Variants in FAM107B observed in about 807,000 individuals in gnomAD.
FAM107B encodes the protein family with sequence similarity 107 member B, also known as protein FAM107B.
Under a neutral mutation model 31.5 loss-of-function variants are expected in FAM107B, and 21 were observed. The observed-to-expected ratio is 0.67, with a 90% CI of 0.47 to 0.96. The LOEUF is 0.96. Among genes scored for constraint, FAM107B ranks in the 40% least tolerant of loss-of-function variants. The pLI is 0.00. For synonymous variants in FAM107B, 157 were observed against 141.5 expected, an observed-to-expected ratio of 1.11 and a Z score of -0.78; for missense variants, 452 against 377.1, an observed-to-expected ratio of 1.20 and a Z score of -1.64.
intron 2 of FAM107B, among the ~76,000 whole-genome samples, chr10:14,572,624 T>C (rs1263336530): frequency 6.6e-6 from 1 of 150,418 alleles, no homozygotes. Flanking sequence ...CTCCAGAGGA[T>C]CGCTTGTACC....
intron 1 of FAM107B, among the ~76,000 whole-genome samples, chr10:14,710,228 A>G (rs955087809): frequency 3.3e-5 from 5 of 152,058 alleles, no homozygotes; most frequent in Non-Finnish European, 5.9e-5. Context: ...AAAACTACTA[A>G]AAAATAATAA....
chr10:14,582,272 C>G (rs1166524407), intron 2 of FAM107B, among the ~76,000 whole-genome samples: 4 of 152,090 alleles, frequency 2.6e-5, no homozygotes, highest in African/African-American at 9.7e-5. Context: ...ACTGTGACCA[C>G]ACCTCTGGGA....
At chr10:14,604,843 C>T (rs1852547258) in intron 2 of FAM107B, among the ~76,000 whole-genome samples, 1 of 150,698 alleles carries the variant, frequency 6.6e-6, no homozygotes, top group Non-Finnish European at 1.5e-5. Context: ...GTCTCTCTTT[C>T]TCTCATTCTC....
At chr10:14,667,968 A>C (rs1450130526) in intron 1 of FAM107B, among the ~76,000 whole-genome samples, 2 of 152,096 alleles carry the variant, frequency 1.3e-5, no homozygotes, top group East Asian at 3.9e-4. Flanking sequence ...GGTGCAACCC[A>C]GGGGCCCCCT....
chr10:14,600,784 C>T (rs1170796428), intron 2 of FAM107B, among the ~76,000 whole-genome samples: 1 of 152,136 alleles, frequency 6.6e-6, no homozygotes, highest in African/African-American at 2.4e-5. Context: ...GGACTACAGG[C>T]ATGCACCACC....
chr10:14,631,235 G>C (rs1293950869), intron 2 of FAM107B, among the ~76,000 whole-genome samples: 1 of 152,096 alleles, frequency 6.6e-6, no homozygotes, highest in Non-Finnish European at 1.5e-5. Flanking sequence ...CCCTTCAACA[G>C]AACTACATCA....
chr10:14,765,792 C>CA (rs1833149124), intron 1 of FAM107B, among the ~76,000 whole-genome samples: 1 of 152,150 alleles, frequency 6.6e-6, no homozygotes, highest in South Asian at 2.1e-4. Flanking sequence ...AAAATTCTCT[C>CA]ATCTTCTGTT....
Position 14,588,716 on chromosome 10 carries a change from C to T in FAM107B, c.470-58201G>A, listed in dbSNP as rs1192459005. Among the ~76,000 whole-genome samples, 3 of 152,276 alleles carry T rather than the reference C, an allele frequency of 2.0e-5. No homozygotes were observed. The South Asian group carries it at 6.2e-4, about 32-fold the overall frequency. On this transcript the variant is annotated intron_variant, in intron 2 of 4. Transcript: ENST00000181796. Reference sequence around the variant, plus strand: ...CCTCCACTCCTCCCCACCCATCACCCCACACACGCTGTCTCCCAAAAACAC... The same window carrying T: ...CCTCCACTCCTCCCCACCCATCACCTCACACACGCTGTCTCCCAAAAACAC...
rs7921855 is a variant in FAM107B, at chr10:14,526,812, A to C, written c.653+3520T>G. 9.3e-4 allele frequency among the ~76,000 whole-genome samples: 141 copies of C among 152,138 alleles called. 1 individual carries two copies. The highest frequency in any genetic ancestry group is 1.6e-3 in the Non-Finnish European group (106 of 67,990). ...GTAATCTTTGTAGAGCACAGAATCT[A>C]TCTCTCTAAATAATATCAGAAATAT... On this transcript the variant is annotated intron_variant, in intron 3 of 4. Transcript: ENST00000181796.
In FAM107B at chr10:14,681,024, G is replaced by C. The variant is rs1037717955; in HGVS notation, c.412-13333C>G. 1.3e-4 allele frequency among the ~76,000 whole-genome samples: 20 copies of C among 152,318 alleles called. 1 individual carries two copies. The East Asian group carries it at 3.7e-3, about 28-fold the overall frequency. On this transcript the variant is annotated intron_variant, in intron 1 of 4. Coordinates refer to ENST00000181796, the MANE Select transcript of FAM107B (RefSeq NM_031453.4). The stretch of plus-strand genomic sequence containing the variant: ...CATCCAGGATCAGGGAGACTCTGGG[G>C]TCCTGACTGGAGGTTTGCCACCTTC...
intron 2 of FAM107B, among the ~76,000 whole-genome samples, chr10:14,619,776 T>G (rs1852956237): frequency 2.6e-5 from 4 of 151,850 alleles, no homozygotes; most frequent in South Asian, 4.2e-4. Context: ...TTATGTTTTC[T>G]TTTAGAAGTT....
At chr10:14,620,008 T>C (rs1852963622) in intron 2 of FAM107B, among the ~76,000 whole-genome samples, 2 of 135,358 alleles carry the variant, frequency 1.5e-5, no homozygotes, top group African/African-American at 5.4e-5. Context: ...GTCTGGACTT[T>C]CTTTCTTTCT....
chr10:14,772,907 G>A (rs1833340030), intron 1 of FAM107B, among the ~76,000 whole-genome samples: 6 of 152,114 alleles, frequency 3.9e-5, no homozygotes, highest in Admixed American at 3.9e-4. Flanking sequence ...GTAATATAAG[G>A]TGGGTCTGCA....
chr10:14,692,537 T>A lies in FAM107B; in HGVS notation c.412-24846A>T, dbSNP rs543166190. Among the ~76,000 whole-genome samples, 15 of 152,308 alleles carry A rather than the reference T, an allele frequency of 9.8e-5. No homozygotes were observed. In the South Asian group the frequency reaches 3.1e-3, roughly 32 times the overall value. ...CCTCATAAATTCTGGAGAATTCATA[T>A]TTAAGACCCATTGATGCCCTCATAA... On this transcript the variant is annotated intron_variant, in intron 1 of 4. Transcript: ENST00000181796.
At chr10:14,589,339 T>A (rs1188675147) in intron 2 of FAM107B, among the ~76,000 whole-genome samples, 7 of 152,212 alleles carry the variant, frequency 4.6e-5, no homozygotes, top group Non-Finnish European at 7.3e-5. Context: ...GAACCATCTA[T>A]AATCTGAAAG....
At chr10:14,698,318 G>A (rs1006556089) in intron 1 of FAM107B, among the ~76,000 whole-genome samples, 1 of 152,228 alleles carries the variant, frequency 6.6e-6, no homozygotes, top group African/African-American at 2.4e-5. Context: ...GTGATCAAAG[G>A]CCCAACTGAA....
intron 2 of FAM107B, among the ~76,000 whole-genome samples, chr10:14,538,382 T>C (rs182200530): frequency 1.3e-5 from 2 of 152,326 alleles, no homozygotes; most frequent in African/African-American, 4.8e-5. Context: ...TATGCAGCAA[T>C]GAGAATGAAC....
At chr10:14,720,524 G>A (rs1013941495) in intron 1 of FAM107B, among the ~76,000 whole-genome samples, 5 of 152,202 alleles carry the variant, frequency 3.3e-5, no homozygotes, top group Non-Finnish European at 7.3e-5. Flanking sequence ...AATGTGCCAG[G>A]ATTACAGGTG....
intron 2 of FAM107B, among the ~76,000 whole-genome samples, chr10:14,629,399 T>TAACA (rs1588669165): frequency 2.9e-5 from 1 of 34,910 alleles, no homozygotes; most frequent in East Asian, 6.9e-4. Flanking sequence ...ATAATATATA[T>TAACA]TATATATTTA....
Sources: gnomAD v4.1 joint callset for allele counts (sites outside exome capture counted in the v4.1 genomes callset) on GRCh38, gnomAD v4.1.1 for gene constraint, MANE v1.5 for transcripts, NCBI Gene and HGNC (gene_info 2026-07-23, HGNC 2026-07-21) for gene names.